Variants in HTRA2 observed in about 807,000 individuals in gnomAD.
HTRA2 encodes serine protease HTRA2, mitochondrial.
A neutral mutation model predicts 42.2 loss-of-function variants in HTRA2; 24 were observed. That is an observed-to-expected ratio of 0.57 (90% CI 0.41 to 0.80). HTRA2 has a LOEUF of 0.80. Among genes scored for constraint, HTRA2 ranks in the 30% least tolerant of loss-of-function variants. The pLI is 0.00. For missense variants in HTRA2, 466 were observed against 613.5 expected, an observed-to-expected ratio of 0.76 and a Z score of 2.54; for synonymous variants, 245 against 255.8, an observed-to-expected ratio of 0.96 and a Z score of 0.40.
In HTRA2 at chr2:74,531,061, C is replaced by T; in HGVS notation, c.862C>T (p.Pro288Ser). Residue 288 changes from proline to serine, a missense_variant, in exon 3 of 8, where the codon CCC (proline) becomes TCC (serine). Pro to Ser is a moderately conservative substitution (Grantham distance 74, BLOSUM62 -1). Coordinates refer to ENST00000258080, the MANE Select transcript of HTRA2 (RefSeq NM_013247.5). ...AQRPARDLGLPQTNVEYIQTD... is the reference protein window; with the variant it reads ...AQRPARDLGLSQTNVEYIQTD... Reference sequence around the variant, plus strand: ...GCGTCCAGCCAGAGACCTGGGACTCCCCCAAACCAATGTGGAATACATTCA... The same window carrying T: ...GCGTCCAGCCAGAGACCTGGGACTCTCCCAAACCAATGTGGAATACATTCA... 1 of 1,614,130 alleles carries T rather than the reference C, an allele frequency of 6.2e-7. No individual in the cohort carries two copies. The highest frequency in any genetic ancestry group is 8.5e-7 in the Non-Finnish European group (1 of 1,180,016).
In HTRA2 at chr2:74,531,922, C is replaced by T. The variant is rs2104376194; in HGVS notation, c.1112C>T (p.Pro371Leu). ...GGGGTGATGATGCTGACCCTGAGTCCCAGGTATGAGCTTTAGGGACAGTGA... is the reference window on the plus strand; with the variant it reads ...GGGGTGATGATGCTGACCCTGAGTCTCAGGTATGAGCTTTAGGGACAGTGA... ...YIGVMMLTLS[P>L]SILAELQLRE... The change falls in exon 6 of 8, where the codon CCC becomes CTC. Residue 371 changes from proline (P) to leucine (L), a missense_variant. By Grantham distance (98) the Pro-to-Leu change is moderately conservative. This residue lies in a region of HTRA2 where 129 missense variants were observed against 163.1 expected (regional missense o/e 0.79). Transcript: ENST00000258080. 1 of 1,614,032 alleles carries T rather than the reference C, an allele frequency of 6.2e-7. No homozygotes were observed. The highest frequency in any genetic ancestry group is 8.5e-7 in the Non-Finnish European group (1 of 1,179,984).
At chr2:74,531,316 C>A in intron 3 of HTRA2, 23 bp from the exon 4 acceptor site, 1 of 1,613,424 alleles carries the variant, frequency 6.2e-7, no homozygotes, top group Non-Finnish European at 8.5e-7. Context: ...AGATCTCTTT[C>A]ATGTTTTCTC....
upstream of HTRA2, chr2:74,529,412 C>A: frequency 6.3e-7 from 1 of 1,597,380 alleles, no homozygotes; most frequent in East Asian, 2.3e-5. Flanking sequence ...AGACGTGGAT[C>A]CCGAGAAAGA....
At chr2:74,531,779 G>A in intron 5 of HTRA2, 77 bp downstream of exon 5, 1 of 1,611,462 alleles carries the variant, frequency 6.2e-7, no homozygotes. Context: ...GGACTTCCTG[G>A]AGGGTGGTCT....
In HTRA2 at chr2:74,531,362, G is replaced by C. The variant is rs1675585694; in HGVS notation, c.930G>C (p.Leu310=). 1 of 1,614,130 alleles carries C rather than the reference G, an allele frequency of 6.2e-7. No individual in the cohort carries two copies. Among genetic ancestry groups the C allele is most frequent in the African/African-American group, 1.3e-5 (1 of 75,030 alleles). ...AIDFGNSGGP[L]VNLDGEVIGV... Reference sequence around the variant, plus strand: ...AGTTTGGAAACTCTGGAGGTCCCCTGGTTAACCTGGTGAGTGAGACATCCT... The same window carrying C: ...AGTTTGGAAACTCTGGAGGTCCCCTCGTTAACCTGGTGAGTGAGACATCCT... Residue 310 remains leucine, a synonymous_variant, in exon 4 of 8, where the codon CTG becomes CTC. Coordinates refer to ENST00000258080, the MANE Select transcript of HTRA2 (RefSeq NM_013247.5).
chr2:74,533,251 C>T lies in HTRA2; in HGVS notation c.*266C>T. ...AAAGGCTAGAGGTAAAGCTGTATCC[C>T]CCTAAACTTAGGGGAGATACTGGAG... On this transcript the variant is annotated 3_prime_UTR_variant, in exon 8 of 8. Coordinates refer to ENST00000258080, the MANE Select transcript of HTRA2 (RefSeq NM_013247.5). 2 of 553,840 alleles carry T rather than the reference C, an allele frequency of 3.6e-6. No individual in the cohort carries two copies. The highest frequency in any genetic ancestry group is 6.4e-6 in the Non-Finnish European group (2 of 311,424). The allele number at this position is 553,840 out of a possible 1,614,324, so 34.3% of individuals were successfully genotyped here.
chr2:74,529,857 G>A (rs1451325571), upstream of HTRA2: 11 of 1,420,098 alleles, frequency 7.7e-6, no homozygotes, highest in Non-Finnish European at 1.0e-5. Flanking sequence ...CGTGGGGCAG[G>A]GAGGAGTCGG....
rs2104375813 is a variant in HTRA2 at position 74,531,860 on chromosome 2, C to T, written c.1050C>T (p.Ser350=). ...TCATTTGTCCCTCTGTCACAGATTC[C>T]TCCTCCGGAATCAGTGGGTCCCAGC... ...EFLHRGEKKN[S]SSGISGSQRR... Residue 350 remains serine (S), a synonymous_variant, in exon 6 of 8, where the codon TCC becomes TCT. Coordinates refer to ENST00000258080, the MANE Select transcript of HTRA2 (RefSeq NM_013247.5). The T allele has an allele frequency of 6.2e-7, 1 of 1,613,992 alleles. No individual in the cohort carries two copies. The highest frequency in any genetic ancestry group is 1.3e-5 in the African/African-American group (1 of 75,000).
chr2:74,531,617 G>T lies in HTRA2; in HGVS notation c.960G>T (p.Val320=), dbSNP rs1675613591. Residue 320 remains valine (V), a synonymous_variant, in exon 5 of 8, where the codon GTG becomes GTT. Coordinates refer to ENST00000258080, the MANE Select transcript of HTRA2 (RefSeq NM_013247.5). ...TGCAGGATGGGGAGGTGATTGGAGT[G>T]AACACCATGAAGGTCACAGCTGGAA... ...LVNLDGEVIG[V]NTMKVTAGIS... is the part of the protein sequence containing the mutation. 6.2e-7 allele frequency: 1 copy of T among 1,614,048 alleles called. No individual in the cohort carries two copies. The highest frequency in any genetic ancestry group is 1.3e-5 in the African/African-American group (1 of 74,934).
Position 74,531,016 on chromosome 2 carries a change from G to A in HTRA2, c.817G>A (p.Gly273Ser). 6.2e-7 allele frequency: 1 copy of A among 1,614,172 alleles called. No individual in the cohort carries two copies. Among genetic ancestry groups the A allele is most frequent in the Non-Finnish European group, 8.5e-7 (1 of 1,180,034 alleles). Residue 273 changes from glycine to serine, a missense_variant, in exon 3 of 8, where the codon GGC becomes AGC. Physicochemically the swap from Gly to Ser is moderately conservative, Grantham distance 56 (BLOSUM62 0). Around this residue, in one of 3 missense-constraint regions of HTRA2, gnomAD observed 115 missense variants for 245.4 expected, o/e 0.47. Transcript: ENST00000258080. ...TGCACTGCAGAACACGATCACATCC[G>A]GCATTGTTAGCTCTGCTCAGCGTCC... ...PFALQNTITSGIVSSAQRPAR... is the reference protein window; with the variant it reads ...PFALQNTITSSIVSSAQRPAR...
chr2:74,529,773 G>A (rs1445549823), upstream of HTRA2: 1 of 1,472,550 alleles, frequency 6.8e-7, no homozygotes, highest in Non-Finnish European at 8.9e-7. Flanking sequence ...AAGGGCTAGC[G>A]GTCCCAGCAT....
upstream of HTRA2, chr2:74,529,657 T>TCGC (rs769643480): frequency 1.2e-4 from 192 of 1,545,814 alleles, no homozygotes; most frequent in Non-Finnish European, 1.6e-4. Flanking sequence ...CGCCCGGCCG[T>TCGC]CGCCGCCGCC....
upstream of HTRA2, chr2:74,529,654 C>CCGT: frequency 6.5e-7 from 1 of 1,546,606 alleles, no homozygotes; most frequent in Non-Finnish European, 8.7e-7. Context: ...GAGCGCCCGG[C>CCGT]CGTCGCCGCC....
Position 74,530,167 on chromosome 2 carries a change from C to A in HTRA2, c.161C>A (p.Thr54Asn). The A allele has an allele frequency of 6.2e-7, 1 of 1,612,310 alleles. No homozygotes were observed. The highest frequency in any genetic ancestry group is 1.7e-5 in the Admixed American group (1 of 59,938). The change falls in exon 1 of 8, where the codon ACC becomes AAC. Residue 54 changes from threonine (T) to asparagine (N), a missense_variant. Physicochemically the swap from Thr to Asn is moderately conservative, Grantham distance 65. Around this residue, in one of 3 missense-constraint regions of HTRA2, gnomAD observed 222 missense variants for 205.1 expected, o/e 1.08. Transcript: ENST00000258080. This position sits in a 1 kb window ranked among gnomAD's most constrained non-coding sequence, Gnocchi z 7.4. ...SDPRARVTYG[T>N]PSLWARLSVG... ...CCCCGGGCCCGAGTGACTTATGGGA[C>A]CCCCAGTCTCTGGGCCCGGTTGTCT...
chr2:74,529,918 G>C (rs539659478), upstream of HTRA2: 1 of 1,475,224 alleles, frequency 6.8e-7, no homozygotes, highest in Non-Finnish European at 8.9e-7. Context: ...TTCAGGTACC[G>C]GCGTGCCCCG....
At position 74,530,938 on chromosome 2, in the gene HTRA2, C is replaced by G; in HGVS notation, c.739C>G (p.Arg247Gly). 1.2e-6 allele frequency: 2 copies of G among 1,614,218 alleles called. No individual in the cohort carries two copies. The highest frequency in any genetic ancestry group is 1.7e-6 in the Non-Finnish European group (2 of 1,180,028). Residue 247 changes from arginine (R) to glycine (G), a missense_variant, in exon 3 of 8, where the codon CGC (arginine) becomes GGC (glycine). Transcript: ENST00000258080. The surrounding 1 kb of genome is among the most constrained non-coding windows in gnomAD (Gnocchi z 7.4). ...GCCTCTCCCCACGCTGCCTCTGGGA[C>G]GCTCAGCTGATGTCCGGCAAGGGGA... ...KEPLPTLPLG[R>G]SADVRQGEFV...
rs773388863 is a variant in HTRA2, at chr2:74,530,901, T to C, written c.712-10T>C. The C allele has an allele frequency of 4.3e-6, 7 of 1,614,082 alleles. No homozygotes were observed. Among genetic ancestry groups the C allele is most frequent in the Non-Finnish European group, 5.9e-6 (7 of 1,180,026 alleles). ...CAGATGACAGGTCTCTTTTACCCATTCTCCCTTAGGAGCCTCTCCCCACGC... is the reference window on the plus strand; with the variant it reads ...CAGATGACAGGTCTCTTTTACCCATCCTCCCTTAGGAGCCTCTCCCCACGC... On this transcript the variant is annotated splice_polypyrimidine_tract_variant and intron_variant, in intron 2 of 7. Coordinates refer to ENST00000258080, the MANE Select transcript of HTRA2 (RefSeq NM_013247.5). This position sits in a 1 kb window ranked among gnomAD's most constrained non-coding sequence, Gnocchi z 7.4.
At position 74,531,610 on chromosome 2, in the gene HTRA2, T is replaced by C; in HGVS notation, c.953T>C (p.Ile318Thr). 1 of 1,614,130 alleles carries C rather than the reference T, an allele frequency of 6.2e-7. No individual in the cohort carries two copies. The highest frequency in any genetic ancestry group is 8.5e-7 in the Non-Finnish European group (1 of 1,180,016). The change falls in exon 5 of 8, where the codon ATT becomes ACT. Residue 318 changes from isoleucine (I) to threonine (T), a missense_variant. By Grantham distance (89) the Ile-to-Thr change is moderately conservative. Coordinates refer to ENST00000258080, the MANE Select transcript of HTRA2 (RefSeq NM_013247.5). ...GTATCCCTGCAGGATGGGGAGGTGA[T>C]TGGAGTGAACACCATGAAGGTCACA... ...GPLVNLDGEV[I>T]GVNTMKVTAG... is the part of the protein sequence containing the mutation.
Position 74,530,954 on chromosome 2 carries a change from G to A in HTRA2, c.755G>A (p.Arg252Gln), listed in dbSNP as rs759184920. 4.3e-6 allele frequency: 7 copies of A among 1,614,048 alleles called. No homozygotes were observed. The Admixed American group carries it at 8.3e-5, about 19-fold the overall frequency. Residue 252 changes from arginine (R) to glutamine (Q), a missense_variant, in exon 3 of 8, where the codon CGG becomes CAG. Coordinates refer to ENST00000258080, the MANE Select transcript of HTRA2 (RefSeq NM_013247.5). The surrounding 1 kb of genome is among the most constrained non-coding windows in gnomAD (Gnocchi z 7.4). ...CCTCTGGGACGCTCAGCTGATGTCCGGCAAGGGGAGTTTGTTGTTGCCATG... is the reference window on the plus strand; with the variant it reads ...CCTCTGGGACGCTCAGCTGATGTCCAGCAAGGGGAGTTTGTTGTTGCCATG... ...TLPLGRSADV[R>Q]QGEFVVAMGS...
Sources: allele counts gnomAD v4.1 joint callset, GRCh38; gene constraint gnomAD v4.1.1; regional missense constraint gnomAD v4.1.1; non-coding constraint Gnocchi (gnomAD v3.1); transcripts MANE v1.5; gene names NCBI Gene and HGNC (gene_info 2026-07-23, HGNC 2026-07-21).